Variants in TMEM135 observed in about 807,000 individuals in gnomAD.
TMEM135 encodes the protein peroxisomal membrane protein 52.
In TMEM135, 30 loss-of-function variants were observed where a neutral mutation model predicts 60.3. The ratio of observed to expected loss-of-function variants is 0.50; its 90% CI spans 0.37 to 0.68. The LOEUF (loss-of-function observed/expected upper bound fraction) is 0.68, where lower values mean the gene tolerates loss of function less well. Among genes scored for constraint, TMEM135 ranks in the 30% least tolerant of loss-of-function variants. The probability of loss-of-function intolerance (pLI) is 0.00; values close to 1 mark genes in which losing one functional copy is unlikely to be tolerated. For missense variants in TMEM135, 468 were observed against 548.8 expected, an observed-to-expected ratio of 0.85 and a Z score of 1.47; for synonymous variants, 190 against 186.7, an observed-to-expected ratio of 1.02 and a Z score of -0.14.
At chr11:87,152,677 G>A (rs948585872) in intron 4 of TMEM135, among the ~76,000 whole-genome samples, 1 of 152,150 alleles carries the variant, frequency 6.6e-6, no homozygotes, top group African/African-American at 2.4e-5. Flanking sequence ...GACCTCAGGC[G>A]CCCCACCCGC....
chr11:87,287,599 C>T (rs957781176), intron 6 of TMEM135, among the ~76,000 whole-genome samples: 2 of 152,196 alleles, frequency 1.3e-5, no homozygotes, highest in East Asian at 1.9e-4. Flanking sequence ...ATCGCTTGAA[C>T]CCAGGAGGCG....
chr11:87,111,843 CA>C (rs1272500290), intron 4 of TMEM135, among the ~76,000 whole-genome samples: 1 of 151,952 alleles, frequency 6.6e-6, no homozygotes, highest in Non-Finnish European at 1.5e-5. Flanking sequence ...TTTATTGTCC[CA>C]TTTATAGATG....
intron 6 of TMEM135, among the ~76,000 whole-genome samples, chr11:87,244,973 C>T (rs1439076206): frequency 3.3e-5 from 5 of 151,554 alleles, no homozygotes; most frequent in Non-Finnish European, 5.9e-5. Context: ...TTCCTGTTTT[C>T]TCTTGTGGGC....
intron 4 of TMEM135, among the ~76,000 whole-genome samples, chr11:87,123,900 A>G (rs1053455227): frequency 1.3e-5 from 2 of 152,216 alleles, no homozygotes; most frequent in African/African-American, 4.8e-5. Context: ...AAACAAGCTG[A>G]AAACATTATT....
intron 6 of TMEM135, among the ~76,000 whole-genome samples, chr11:87,271,509 G>A (rs867551338): frequency 1.2e-4 from 18 of 152,194 alleles, no homozygotes; most frequent in East Asian, 3.9e-4. Flanking sequence ...GTAGATTGCC[G>A]TAAGTATAAA....
At chr11:87,270,877 T>A (rs1379741215) in intron 6 of TMEM135, among the ~76,000 whole-genome samples, 1 of 152,192 alleles carries the variant, frequency 6.6e-6, no homozygotes, top group African/African-American at 2.4e-5. Context: ...TGCATAAATT[T>A]AAAAAATGTT....
chr11:87,113,340 C>A (rs12282441), intron 4 of TMEM135, among the ~76,000 whole-genome samples: 13,774 of 152,028 alleles, frequency 0.091, 674 homozygotes, highest in Non-Finnish European at 0.1. Context: ...AACCTTTTCT[C>A]TAAAATGCAC....
intron 4 of TMEM135, among the ~76,000 whole-genome samples, chr11:87,099,063 A>G (rs1158046115): frequency 6.6e-6 from 1 of 152,218 alleles, no homozygotes; most frequent in Non-Finnish European, 1.5e-5. Context: ...TTAAAGTATT[A>G]TGCCTGCACG....
At chr11:87,204,565 G>T (rs912996566) in intron 5 of TMEM135, among the ~76,000 whole-genome samples, 1 of 152,088 alleles carries the variant, frequency 6.6e-6, no homozygotes, top group Non-Finnish European at 1.5e-5. Flanking sequence ...AATGCATTTT[G>T]TGTCATATGT....
intron 6 of TMEM135, among the ~76,000 whole-genome samples, chr11:87,267,635 T>C (rs1375169402): frequency 6.6e-6 from 1 of 152,222 alleles, no homozygotes; most frequent in Non-Finnish European, 1.5e-5. Flanking sequence ...TTCATGAAAG[T>C]ATAGAATTAT....
chr11:87,249,015 G>T (rs1241546045), intron 6 of TMEM135, among the ~76,000 whole-genome samples: 1 of 152,000 alleles, frequency 6.6e-6, no homozygotes, highest in Non-Finnish European at 1.5e-5. Context: ...GAGTCTTTAG[G>T]TTTTTCCATG....
chr11:87,122,901 C>G (rs544983971), intron 4 of TMEM135, among the ~76,000 whole-genome samples: 1 of 152,152 alleles, frequency 6.6e-6, no homozygotes, highest in Non-Finnish European at 1.5e-5. Flanking sequence ...TGCTGAAGTC[C>G]AGAAGTTGAG....
At chr11:87,073,290 C>T (rs181073110) in intron 3 of TMEM135, among the ~76,000 whole-genome samples, 9 of 152,280 alleles carry the variant, frequency 5.9e-5, no homozygotes, top group East Asian at 3.9e-4. Context: ...ACCTCGGCCT[C>T]CCAAAGTGCT....
chr11:87,092,403 G>A (rs114777281), intron 4 of TMEM135, among the ~76,000 whole-genome samples: 158 of 152,248 alleles, frequency 1.0e-3, no homozygotes, highest in African/African-American at 3.6e-3. Context: ...AGAATCTGAT[G>A]ACATATGTGG....
rs139866926 is a variant in TMEM135 at position 87,067,726 on chromosome 11, C to G, written c.174C>G (p.Asp58Glu). The G allele has an allele frequency of 7.9e-4, 1,282 of 1,613,862 alleles. 14 individuals carry two copies. The African/African-American group carries it at 0.014, about 17-fold the overall frequency. The change falls in exon 2 of 15, where the codon GAC becomes GAG. Residue 58 changes from aspartate (D) to glutamate (E), a missense_variant. Transcript: ENST00000305494. Reference protein sequence around the residue: ...IAAILRKRKLDYYLHKLLPEI... With the variant: ...IAAILRKRKLEYYLHKLLPEI... ...CAATTCTCCGGAAACGGAAATTAGA[C>G]TATTATTTACACAAACTACTCCCTG...
chr11:87,314,641 C>T (rs752523020), intron 12 of TMEM135, 94 bp downstream of exon 12: 130 of 1,005,500 alleles, frequency 1.3e-4, no homozygotes, highest in Non-Finnish European at 1.8e-4. Flanking sequence ...CAATGGCAAA[C>T]ATAAATTTTA....
intron 1 of TMEM135, among the ~76,000 whole-genome samples, chr11:87,053,652 T>A (rs1375530246): frequency 6.6e-6 from 1 of 152,296 alleles, no homozygotes. Context: ...TATGTTTTCA[T>A]CCCCAAGGAC....
chr11:87,261,273 T>G (rs546671027), intron 6 of TMEM135, among the ~76,000 whole-genome samples: 3 of 152,242 alleles, frequency 2.0e-5, no homozygotes, highest in African/African-American at 7.2e-5. Flanking sequence ...TATTTCCTTA[T>G]GTATATTTTG....
chr11:87,215,594 T>C (rs2135347899), intron 5 of TMEM135, among the ~76,000 whole-genome samples: 1 of 152,314 alleles, frequency 6.6e-6, no homozygotes, highest in Non-Finnish European at 1.5e-5. Flanking sequence ...GGCACTGGAC[T>C]TGGAAGTTAC....
Sources: allele counts gnomAD v4.1 joint callset (sites outside exome capture counted in the v4.1 genomes callset), GRCh38; gene constraint gnomAD v4.1.1; transcripts MANE v1.5; gene names NCBI Gene and HGNC (gene_info 2026-07-23, HGNC 2026-07-21).